Variants in ROR2 observed in about 807,000 individuals in gnomAD.
ROR2 encodes ROR family WNT receptor 2.
A neutral mutation model predicts 74.9 loss-of-function variants in ROR2; 33 were observed. The ratio of observed to expected loss-of-function variants is 0.44; its 90% CI spans 0.33 to 0.59. ROR2 has a LOEUF of 0.59. ROR2 is among the 20% of genes least tolerant of loss of function. ROR2 has a pLI of 0.02. For synonymous variants in ROR2, 586 were observed against 558.7 expected, an observed-to-expected ratio of 1.05 and a Z score of -0.69; for missense variants, 1,216 against 1,313.8, an observed-to-expected ratio of 0.93 and a Z score of 1.15.
chr9:91,789,855 G>GTAA (rs1826915153), intron 1 of ROR2, among the ~76,000 whole-genome samples: 1 of 152,028 alleles, frequency 6.6e-6, no homozygotes, highest in East Asian at 1.9e-4. Flanking sequence ...ATGTAAGTGG[G>GTAA]TAAAAAAGGC....
At chr9:91,933,038 ATT>A (rs1277632996) in intron 1 of ROR2, among the ~76,000 whole-genome samples, 1 of 152,188 alleles carries the variant, frequency 6.6e-6, no homozygotes, top group Admixed American at 6.5e-5. Flanking sequence ...GTGGCCTATG[ATT>A]ACAGGCGTTA....
chr9:91,930,827 A>G (rs1374168610), intron 1 of ROR2, among the ~76,000 whole-genome samples: 1 of 152,252 alleles, frequency 6.6e-6, no homozygotes, highest in African/African-American at 2.4e-5. Context: ...ATGAAGCCAA[A>G]ATAAAGCAAG....
chr9:91,805,947 A>G (rs906841072), intron 1 of ROR2, among the ~76,000 whole-genome samples: 2 of 152,226 alleles, frequency 1.3e-5, no homozygotes, highest in Non-Finnish European at 2.9e-5. Flanking sequence ...CCAAAGCCTC[A>G]GTAAGTATAT....
At chr9:91,863,702 G>A (rs79200307) in intron 1 of ROR2, among the ~76,000 whole-genome samples, 6,399 of 152,084 alleles carry the variant, frequency 0.042, 398 homozygotes, top group East Asian at 0.2. Flanking sequence ...TCCAGAATAG[G>A]CAAATCCATA....
intron 4 of ROR2, among the ~76,000 whole-genome samples, chr9:91,747,272 G>A (rs1041150666): frequency 1.3e-5 from 2 of 152,210 alleles, no homozygotes; most frequent in African/African-American, 4.8e-5. Flanking sequence ...AGGGATAGAA[G>A]GGAAAGCAAT....
intron 1 of ROR2, among the ~76,000 whole-genome samples, chr9:91,906,310 A>C (rs1830816980): frequency 6.6e-6 from 1 of 152,186 alleles, no homozygotes; most frequent in Admixed American, 6.5e-5. Flanking sequence ...CATAAGGAAA[A>C]TTCTACCCTG....
chr9:91,948,481 G>A, intron 1 of ROR2: 2 of 745,396 alleles, frequency 2.7e-6, no homozygotes, highest in Non-Finnish European at 3.3e-6. Flanking sequence ...ATGCTTTAAT[G>A]CACAGTGAGA....
chr9:91,873,828 TC>T (rs1478882243), intron 1 of ROR2, among the ~76,000 whole-genome samples: 2 of 152,312 alleles, frequency 1.3e-5, no homozygotes, highest in Non-Finnish European at 2.9e-5. Context: ...TCCAGATTCT[TC>T]CATCAAGAGA....
chr9:91,901,785 C>T (rs1182164733), intron 1 of ROR2, among the ~76,000 whole-genome samples: 1 of 133,626 alleles, frequency 7.5e-6, no homozygotes. Flanking sequence ...GAATGCACTC[C>T]AGCCTGGGAC....
At chr9:91,930,799 A>G (rs919673277) in intron 1 of ROR2, among the ~76,000 whole-genome samples, 8 of 152,272 alleles carry the variant, frequency 5.3e-5, no homozygotes, top group African/African-American at 1.7e-4. Flanking sequence ...CATGGATTCA[A>G]ACGTTTAATG....
chr9:91,847,283 C>T (rs1487482854), intron 1 of ROR2, among the ~76,000 whole-genome samples: 9 of 152,204 alleles, frequency 5.9e-5, no homozygotes, highest in East Asian at 3.9e-4. Context: ...GAAAGCCTGA[C>T]CCCTCTGGGA....
intron 1 of ROR2, among the ~76,000 whole-genome samples, chr9:91,895,923 C>G (rs534222879): frequency 1.2e-4 from 18 of 152,330 alleles, no homozygotes; most frequent in African/African-American, 4.3e-4. Context: ...TTTGGTGATA[C>G]AGGGAAGCCA....
rs1319782213 is a variant in ROR2, at chr9:91,950,006, C to G, written c.-43G>C. ...CCGGGAAGCCCTCAGAGCTTCGGGCCGGGGCGCGGGGTCGGGCGCCACCAC... is the reference window on the plus strand; with the variant it reads ...CCGGGAAGCCCTCAGAGCTTCGGGCGGGGGCGCGGGGTCGGGCGCCACCAC... On this transcript the variant is annotated 5_prime_UTR_variant, in exon 1 of 9. Transcript: ENST00000375708. The G allele has an allele frequency of 9.1e-7, 1 of 1,097,166 alleles. No individual in the cohort carries two copies. The highest frequency in any genetic ancestry group is 1.2e-6 in the Non-Finnish European group (1 of 829,430). The allele number at this position is 1,097,166 out of a possible 1,614,324, so 68.0% of individuals were successfully genotyped here.
intron 1 of ROR2, among the ~76,000 whole-genome samples, chr9:91,887,629 G>T (rs1830319595): frequency 6.6e-6 from 1 of 152,052 alleles, no homozygotes. Context: ...TTATCTGAGG[G>T]GTTCTCTGAC....
chr9:91,758,719 G>A (rs1482732149), intron 2 of ROR2, among the ~76,000 whole-genome samples: 1 of 152,172 alleles, frequency 6.6e-6, no homozygotes. Context: ...AGCTCTAGGG[G>A]GCAACGCAAG....
chr9:91,912,441 A>G (rs116355763), intron 1 of ROR2, among the ~76,000 whole-genome samples: 2,710 of 152,328 alleles, frequency 0.018, 89 homozygotes, highest in African/African-American at 0.061. Context: ...CCTTGACTTG[A>G]TCATCGCACA....
At chr9:91,834,843 G>A (rs1828565687) in intron 1 of ROR2, among the ~76,000 whole-genome samples, 1 of 152,214 alleles carries the variant, frequency 6.6e-6, no homozygotes, top group Non-Finnish European at 1.5e-5. Flanking sequence ...GACTCCTGCA[G>A]AGCTCAAGAT....
chr9:91,883,857 C>G (rs996307690), intron 1 of ROR2, among the ~76,000 whole-genome samples: 2 of 152,208 alleles, frequency 1.3e-5, no homozygotes, highest in African/African-American at 2.4e-5. Context: ...CTTCCAAGGT[C>G]CTGGTGGCCT....
chr9:91,847,204 G>A (rs925749284), intron 1 of ROR2, among the ~76,000 whole-genome samples: 18 of 152,116 alleles, frequency 1.2e-4, no homozygotes, highest in Non-Finnish European at 2.2e-4. Context: ...ATCAGTATGT[G>A]CAGGTCTGCA....
Sources: allele counts gnomAD v4.1 joint callset (sites outside exome capture counted in the v4.1 genomes callset), GRCh38; gene constraint gnomAD v4.1.1; transcripts MANE v1.5; gene names NCBI Gene and HGNC (gene_info 2026-07-23, HGNC 2026-07-21).